The following SGK1 variants were observed in gnomAD, a reference collection of about 807,000 sequenced individuals.
The protein encoded by SGK1 is serine/threonine-protein kinase Sgk1.
In SGK1, 26 loss-of-function variants were observed where a neutral mutation model predicts 64.2. That is an observed-to-expected ratio of 0.40 (90% CI 0.30 to 0.56). The LOEUF is 0.56. SGK1 is among the 20% of genes least tolerant of loss of function. The pLI is 0.38. For synonymous variants in SGK1, 265 were observed against 239.7 expected, an observed-to-expected ratio of 1.11 and a Z score of -0.98; for missense variants, 519 against 645.6, an observed-to-expected ratio of 0.80 and a Z score of 2.12.
chr6:134,298,242 C>A, intron 1 of SGK1: 1 of 1,578,910 alleles, frequency 6.3e-7, no homozygotes. Context: ...GGCCCCGAGT[C>A]TCCAGCTGCC....
chr6:134,273,949 G>A (rs1776981333), intron 1 of SGK1, among the ~76,000 whole-genome samples: 2 of 152,100 alleles, frequency 1.3e-5, no homozygotes, highest in Admixed American at 6.6e-5. Flanking sequence ...ATGAGCCGCT[G>A]CACCCAGCTC....
chr6:134,294,107 C>T (rs767125039), intron 1 of SGK1, among the ~76,000 whole-genome samples: 1 of 152,192 alleles, frequency 6.6e-6, no homozygotes, highest in Non-Finnish European at 1.5e-5. Context: ...GCAAAGAACC[C>T]TTTGGCAGTG....
At chr6:134,172,504 C>T in intron 9 of SGK1, 158 bp downstream of exon 9, 1 of 785,466 alleles carries the variant, frequency 1.3e-6, no homozygotes, top group Non-Finnish European at 2.0e-6. Context: ...GGCTGGTTCC[C>T]CCTTGGCACT....
chr6:134,270,382 T>A (rs1164046578), intron 1 of SGK1, among the ~76,000 whole-genome samples: 1 of 147,500 alleles, frequency 6.8e-6, no homozygotes, highest in African/African-American at 2.4e-5. Context: ...AAAAAAAAAA[T>A]TCCAGAGGCT....
intron 3 of SGK1, among the ~76,000 whole-genome samples, chr6:134,186,556 C>T (rs72972227): frequency 0.017 from 2,657 of 152,294 alleles, 34 homozygotes; most frequent in South Asian, 0.047. Flanking sequence ...TAACTGGTCA[C>T]GTGATCATAG....
At chr6:134,175,462 C>G in intron 3 of SGK1, 1 of 1,325,960 alleles carries the variant, frequency 7.5e-7, no homozygotes. Context: ...GCCCCGAGAA[C>G]TCCGACGAAA....
chr6:134,174,188 G>C, intron 4 of SGK1, 108 bp from the exon 5 acceptor site: 1 of 764,758 alleles, frequency 1.3e-6, no homozygotes, highest in South Asian at 1.7e-5. Flanking sequence ...ATAATTCACT[G>C]TTTAAACTGA....
At chr6:134,253,278 T>C (rs1218147118) in intron 2 of SGK1, among the ~76,000 whole-genome samples, 1 of 151,556 alleles carries the variant, frequency 6.6e-6, no homozygotes, top group East Asian at 2.0e-4. Context: ...GCTCAGGAGT[T>C]CGTCTTTTGT....
intron 1 of SGK1, among the ~76,000 whole-genome samples, chr6:134,274,411 C>A (rs1258808549): frequency 6.6e-6 from 1 of 152,134 alleles, no homozygotes; most frequent in Non-Finnish European, 1.5e-5. Context: ...AAGGGCCAAA[C>A]AAGAATAGTA....
At chr6:134,275,834 C>T (rs1481560552) in intron 1 of SGK1, among the ~76,000 whole-genome samples, 1 of 152,146 alleles carries the variant, frequency 6.6e-6, no homozygotes, top group African/African-American at 2.4e-5. Flanking sequence ...CAGCCTTGTC[C>T]ACCTGGAAAC....
At chr6:134,210,573 C>G (rs1443005500) in intron 2 of SGK1, among the ~76,000 whole-genome samples, 1 of 152,068 alleles carries the variant, frequency 6.6e-6, no homozygotes, top group African/African-American at 2.4e-5. Context: ...CACCTGTAAT[C>G]CCAGCACTTT....
At chr6:134,308,912 C>T (rs994443727) in intron 1 of SGK1, among the ~76,000 whole-genome samples, 1 of 152,020 alleles carries the variant, frequency 6.6e-6, no homozygotes, top group African/African-American at 2.4e-5. Context: ...TGAGCTTATC[C>T]TCCAGAGACA....
In SGK1 at chr6:134,170,030, G is replaced by T. The variant is rs189186128; in HGVS notation, c.*238C>A. 2 of 324,468 alleles carry T rather than the reference G, an allele frequency of 6.2e-6. No homozygotes were observed. Among genetic ancestry groups the T allele is most frequent in the Non-Finnish European group, 1.1e-5 (2 of 175,238 alleles). The allele number at this position is 324,468 out of a possible 1,614,324, so 20.1% of individuals were successfully genotyped here. On this transcript the variant is annotated 3_prime_UTR_variant, in exon 14 of 14. Transcript: ENST00000367858. ...CGTCTAAGGCGGCACTCTAACGCTC[G>T]TTTCAGAGATAGCACCACGTTGGAA...
At chr6:134,178,698 C>T (rs960086852) in intron 3 of SGK1, among the ~76,000 whole-genome samples, 4 of 152,236 alleles carry the variant, frequency 2.6e-5, no homozygotes, top group African/African-American at 9.6e-5. Flanking sequence ...TACGCGTATA[C>T]GCGGCTTCCC....
intron 2 of SGK1, among the ~76,000 whole-genome samples, chr6:134,225,565 A>C (rs1776162446): frequency 6.6e-6 from 1 of 151,984 alleles, no homozygotes; most frequent in African/African-American, 2.4e-5. Context: ...ATTCACACTA[A>C]AGTTCAGAAT....
intron 1 of SGK1, among the ~76,000 whole-genome samples, chr6:134,302,839 C>A (rs570230913): frequency 6.6e-6 from 1 of 152,064 alleles, no homozygotes; most frequent in South Asian, 2.1e-4. Context: ...ACTGCAACCT[C>A]CACCTCCCGG....
At chr6:134,270,433 A>G (rs1776921821) in intron 1 of SGK1, among the ~76,000 whole-genome samples, 1 of 148,144 alleles carries the variant, frequency 6.8e-6, no homozygotes, top group African/African-American at 2.4e-5. Flanking sequence ...TAAAAATAGG[A>G]ATCTCTTGAT....
chr6:134,292,713 C>T (rs1777286255), intron 1 of SGK1, among the ~76,000 whole-genome samples: 1 of 152,168 alleles, frequency 6.6e-6, no homozygotes, highest in Non-Finnish European at 1.5e-5. Context: ...ATCCAAAATG[C>T]ATTTGAATAG....
intron 2 of SGK1, among the ~76,000 whole-genome samples, chr6:134,216,469 T>C (rs1582717977): frequency 6.6e-6 from 1 of 152,224 alleles, no homozygotes; most frequent in Non-Finnish European, 1.5e-5. Flanking sequence ...GTCTTGCAAA[T>C]AGTAATTTTG....
Sources: allele counts gnomAD v4.1 joint callset (sites outside exome capture counted in the v4.1 genomes callset), GRCh38; gene constraint gnomAD v4.1.1; transcripts MANE v1.5; gene names NCBI Gene and HGNC (gene_info 2026-07-23, HGNC 2026-07-21).